TASP1: variants seen among roughly 807,000 people sequenced by gnomAD.
The protein encoded by TASP1 is threonine aspartase 1.
In TASP1, 16 loss-of-function variants were observed where a neutral mutation model predicts 56.6. The observed-to-expected ratio is 0.28, with a 90% confidence interval of 0.19 to 0.43. The LOEUF (loss-of-function observed/expected upper bound fraction) is 0.43, where lower values mean the gene tolerates loss of function less well. Ranked by LOEUF, TASP1 falls within the 20% of genes least tolerant of loss-of-function variation. The pLI is 1.00. For missense variants in TASP1, 393 were observed against 511.6 expected, an observed-to-expected ratio of 0.77 and a Z score of 2.24; for synonymous variants, 179 against 184.2, an observed-to-expected ratio of 0.97 and a Z score of 0.23.
At chr20:13,489,478 C>T (rs1428732413) in intron 10 of TASP1, among the ~76,000 whole-genome samples, 4 of 151,528 alleles carry the variant, frequency 2.6e-5, no homozygotes, top group Non-Finnish European at 4.4e-5. Flanking sequence ...GGGTGACATG[C>T]ATGAGCATCA....
the TASP1 span, among the ~76,000 whole-genome samples, chr20:13,221,552 T>TGCGGCGGCGGCGGCGGCG: frequency 1.3e-4 from 18 of 141,508 alleles, 1 homozygote; most frequent in Admixed American, 2.8e-4. Context: ...TCCGCCGTGG[T>TGCGGCGGCGGCGGCGGCG]GCGGCGGCGG....
the TASP1 span, among the ~76,000 whole-genome samples, chr20:13,251,208 T>A: frequency 3.3e-5 from 5 of 152,202 alleles, no homozygotes; most frequent in Non-Finnish European, 2.9e-5. Context: ...CCTCTCCTTC[T>A]GATGTTGAAG....
At chr20:13,521,790 T>A (rs543617368) in intron 10 of TASP1, among the ~76,000 whole-genome samples, 1,531 of 82,236 alleles carry the variant, frequency 0.019, 33 homozygotes, top group African/African-American at 0.043. Flanking sequence ...ATAATAAAAT[T>A]AAATTAAATT....
At chr20:13,362,796 G>C in the TASP1 span, among the ~76,000 whole-genome samples, 1 of 96,472 alleles carries the variant, frequency 1.0e-5, no homozygotes, top group East Asian at 2.5e-4. Flanking sequence ...CAAAGGGTGT[G>C]AAATAGCAAG....
chr20:13,594,218 T>A (rs2147303516), intron 4 of TASP1, among the ~76,000 whole-genome samples: 1 of 152,304 alleles, frequency 6.6e-6, no homozygotes, highest in South Asian at 2.1e-4. Flanking sequence ...AAACCCCATC[T>A]GTAGGTCACC....
the TASP1 span, among the ~76,000 whole-genome samples, chr20:13,323,325 C>A: frequency 6.6e-6 from 1 of 152,276 alleles, no homozygotes; most frequent in African/African-American, 2.4e-5. Flanking sequence ...ACTGGAAACA[C>A]AATGACTCAG....
chr20:13,293,207 CAA>C, the TASP1 span, among the ~76,000 whole-genome samples: 25 of 87,406 alleles, frequency 2.9e-4, no homozygotes, highest in Admixed American at 5.2e-4. Flanking sequence ...GACTCCGTCT[CAA>C]AAAAAAAAAA....
the TASP1 span, among the ~76,000 whole-genome samples, chr20:13,194,416 A>G: frequency 6.6e-6 from 1 of 152,170 alleles, no homozygotes; most frequent in Non-Finnish European, 1.5e-5. Context: ...CCAAGCCAGG[A>G]GTCCAGTAGA....
the TASP1 span, chr20:13,292,536 A>G: frequency 2.3e-6 from 2 of 885,562 alleles, no homozygotes; most frequent in Middle Eastern, 4.3e-4. Flanking sequence ...TTGCAATGCC[A>G]TCCTTGGATC....
the TASP1 span, chr20:13,166,718 T>G: frequency 6.6e-6 from 1 of 152,212 alleles, no homozygotes; most frequent in Non-Finnish European, 1.5e-5. Flanking sequence ...AGATATCTAG[T>G]CCTTCCACAA....
chr20:13,159,883 T>A, the TASP1 span: 4 of 1,329,704 alleles, frequency 3.0e-6, no homozygotes, highest in Admixed American at 9.9e-5. Flanking sequence ...CCACTTATTA[T>A]CATAAAAAAG....
At chr20:13,310,034 C>T in the TASP1 span, among the ~76,000 whole-genome samples, 20 of 152,102 alleles carry the variant, frequency 1.3e-4, no homozygotes, top group East Asian at 5.8e-4. Context: ...TCTACAAATT[C>T]GATGCAATCC....
the TASP1 span, among the ~76,000 whole-genome samples, chr20:13,268,554 G>A: frequency 2.6e-5 from 4 of 152,134 alleles, no homozygotes; most frequent in Middle Eastern, 3.2e-3. Flanking sequence ...CACTGCCCCC[G>A]GCCACATCTT....
chr20:13,250,450 G>A, the TASP1 span, among the ~76,000 whole-genome samples: 1 of 152,182 alleles, frequency 6.6e-6, no homozygotes, highest in African/African-American at 2.4e-5. Flanking sequence ...GGAAAAGAGC[G>A]AGTAATGGGC....
chr20:13,306,063 C>T, the TASP1 span, among the ~76,000 whole-genome samples: 2 of 144,782 alleles, frequency 1.4e-5, no homozygotes, highest in Admixed American at 6.8e-5. Flanking sequence ...TAGATATTCA[C>T]GATTGCCCTC....
At chr20:13,482,277 T>A (rs1351326582) in intron 11 of TASP1, among the ~76,000 whole-genome samples, 1 of 152,172 alleles carries the variant, frequency 6.6e-6, no homozygotes, top group East Asian at 1.9e-4. Context: ...GGTCTATGTG[T>A]CTGTTTTTAT....
the TASP1 span, among the ~76,000 whole-genome samples, chr20:13,182,870 G>A: frequency 3.9e-5 from 6 of 152,140 alleles, no homozygotes; most frequent in Non-Finnish European, 5.9e-5. Context: ...AGTAGACATC[G>A]ATTGACAACA....
the TASP1 span, among the ~76,000 whole-genome samples, chr20:13,223,403 C>T: frequency 6.6e-6 from 1 of 152,104 alleles, no homozygotes; most frequent in African/African-American, 2.4e-5. Flanking sequence ...CTTAATTTAA[C>T]CATAATCTTA....
At chr20:13,375,936 T>C in the TASP1 span, among the ~76,000 whole-genome samples, 9 of 152,224 alleles carry the variant, frequency 5.9e-5, no homozygotes, top group African/African-American at 2.2e-4. Context: ...GTTTTTTTTT[T>C]GTAAATTTGT....
Sources: gnomAD v4.1 joint callset for allele counts (sites outside exome capture counted in the v4.1 genomes callset) on GRCh38, gnomAD v4.1.1 for gene constraint, MANE v1.5 for transcripts, NCBI Gene and HGNC (gene_info 2026-07-23, HGNC 2026-07-21) for gene names.